Variants in PTCHD4 observed in about 807,000 individuals in gnomAD.
PTCHD4 encodes patched domain containing 4, also known as patched domain-containing protein 4.
PTCHD4 carries 33 observed loss-of-function variants against 58.1 expected under a neutral mutation model. The ratio of observed to expected loss-of-function variants is 0.57; its 90% CI spans 0.43 to 0.76. PTCHD4 has a LOEUF of 0.76. Ranked by LOEUF, PTCHD4 falls within the 30% of genes least tolerant of loss-of-function variation. The pLI is 0.00. For missense variants in PTCHD4, 1,058 were observed against 1,027.1 expected, an observed-to-expected ratio of 1.03 and a Z score of -0.41; for synonymous variants, 478 against 409.6, an observed-to-expected ratio of 1.17 and a Z score of -2.02.
At chr6:47,907,139 G>T (rs1764914361) in intron 4 of PTCHD4, among the ~76,000 whole-genome samples, 1 of 152,110 alleles carries the variant, frequency 6.6e-6, no homozygotes, top group Non-Finnish European at 1.5e-5. Flanking sequence ...AAGTGGAATT[G>T]GTGGGAAGGG....
intron 1 of PTCHD4, among the ~76,000 whole-genome samples, chr6:48,098,407 C>G (rs985913118): frequency 2.0e-5 from 3 of 149,326 alleles, no homozygotes; most frequent in South Asian, 2.1e-4. Context: ...GGCAGGATCT[C>G]CGCTCGCTGC....
At chr6:48,070,765 T>G (rs1386469764) in intron 1 of PTCHD4, among the ~76,000 whole-genome samples, 1 of 152,222 alleles carries the variant, frequency 6.6e-6, no homozygotes, top group Non-Finnish European at 1.5e-5. Flanking sequence ...TTCAGTGGAG[T>G]CACTTTTGCA....
rs756510352 is a variant in PTCHD4, at chr6:48,068,336, G to T, written c.311C>A (p.Thr104Asn). The T allele has an allele frequency of 2.5e-6, 4 of 1,613,998 alleles. No homozygotes were observed. The highest frequency in any genetic ancestry group is 1.7e-5 in the Admixed American group (1 of 60,024). Residue 104 changes from threonine to asparagine, a missense_variant, in exon 3 of 5, where the codon ACC (threonine) becomes AAC (asparagine). By Grantham distance (65) the Thr-to-Asn change is moderately conservative (BLOSUM62 0). Transcript: ENST00000339488. The surrounding 1 kb of genome is among the most constrained non-coding windows in gnomAD (Gnocchi z 4.2). ...SKSQLYSDLH[T>N]PGRYGRVILL... ...GATCACCCTGCCATACCTCCCAGGG[G>T]TGTGTAAGTCCGAATAGAGCTGGCT... is the stretch of plus-strand genomic sequence containing the variant.
chr6:47,954,217 C>T (rs141358462), intron 4 of PTCHD4, among the ~76,000 whole-genome samples: 73 of 152,140 alleles, frequency 4.8e-4, no homozygotes, highest in Middle Eastern at 3.4e-3. Flanking sequence ...ATCAGCTGGG[C>T]GTGGTAGCAC....
intron 3 of PTCHD4, among the ~76,000 whole-genome samples, chr6:48,056,825 G>C (rs1764420949): frequency 6.6e-6 from 1 of 152,178 alleles, no homozygotes; most frequent in Non-Finnish European, 1.5e-5. Context: ...AGAACTGCAA[G>C]CACTGGTGAC....
chr6:48,011,421 G>GTT lies in PTCHD4; in HGVS notation c.418-2309_418-2308dup, dbSNP rs199609513. ...TCATATCCTTTGCCCACCTTTTGAT[G>GTT]TTTTTTTTTCTTGTAAATTTGGTTA... On this transcript the variant is annotated intron_variant, in intron 3 of 4. Transcript: ENST00000339488. Among the ~76,000 whole-genome samples the GTT allele has an allele frequency of 3.3e-3, 498 of 149,570 alleles. 5 individuals carry two copies. The highest frequency in any genetic ancestry group is 0.011 in the African/African-American group (466 of 40,888).
chr6:47,907,465 A>G (rs1401083138), intron 4 of PTCHD4, among the ~76,000 whole-genome samples: 2 of 152,168 alleles, frequency 1.3e-5, no homozygotes, highest in Non-Finnish European at 2.9e-5. Context: ...TGAAAGGAGG[A>G]ATGAAGAGAA....
intron 3 of PTCHD4, among the ~76,000 whole-genome samples, chr6:48,010,808 T>C (rs1762638356): frequency 6.6e-6 from 1 of 152,158 alleles, no homozygotes; most frequent in African/African-American, 2.4e-5. Flanking sequence ...CCATGTGTTC[T>C]TGTTGTTCAA....
intron 3 of PTCHD4, among the ~76,000 whole-genome samples, chr6:48,057,919 T>C (rs1472973551): frequency 6.6e-6 from 1 of 152,184 alleles, no homozygotes; most frequent in Non-Finnish European, 1.5e-5. Context: ...TTAAGCCTGA[T>C]AAATTATAGT....
intron 4 of PTCHD4, among the ~76,000 whole-genome samples, chr6:48,004,839 C>T (rs1762371682): frequency 6.6e-6 from 1 of 152,112 alleles, no homozygotes; most frequent in South Asian, 2.1e-4. Context: ...ATCACTTGAA[C>T]CCGGAAGGTG....
At chr6:48,099,116 C>A (rs1168435659) in intron 1 of PTCHD4, among the ~76,000 whole-genome samples, 2 of 152,184 alleles carry the variant, frequency 1.3e-5, no homozygotes, top group Admixed American at 6.5e-5. Context: ...TCCTTCCTGG[C>A]AGTAATGAGG....
chr6:47,901,925 A>T (rs1222714032), intron 4 of PTCHD4: 10 of 1,302,812 alleles, frequency 7.7e-6, no homozygotes, highest in Non-Finnish European at 1.0e-5. Flanking sequence ...AGGTAAATTC[A>T]GTGGAGATGC....
intron 3 of PTCHD4, among the ~76,000 whole-genome samples, chr6:48,044,362 AT>A: frequency 6.6e-6 from 1 of 151,820 alleles, no homozygotes. Flanking sequence ...ACATTTGTCT[AT>A]TTTTTTCTTT....
chr6:47,954,062 G>A (rs1367972180), intron 4 of PTCHD4, among the ~76,000 whole-genome samples: 1 of 152,042 alleles, frequency 6.6e-6, no homozygotes, highest in Non-Finnish European at 1.5e-5. Flanking sequence ...AATTGCTTAA[G>A]AAGGACATAA....
intron 4 of PTCHD4, chr6:47,901,836 G>T: frequency 7.7e-7 from 1 of 1,295,620 alleles, no homozygotes; most frequent in Non-Finnish European, 1.0e-6. Context: ...TTCCAAATGT[G>T]ATATTTTTCT....
chr6:47,929,951 A>G (rs953890005), intron 4 of PTCHD4, among the ~76,000 whole-genome samples: 2 of 151,844 alleles, frequency 1.3e-5, no homozygotes, highest in African/African-American at 4.8e-5. Flanking sequence ...CAGCTTTTCT[A>G]CAGCTTCTCA....
Position 47,925,173 on chromosome 6 carries a change from TTA to T in PTCHD4, c.899-45239_899-45238del, listed in dbSNP as rs534078573. Among the ~76,000 whole-genome samples, 748 of 146,858 alleles carry T rather than the reference TTA, an allele frequency of 5.1e-3. 7 individuals are homozygous for T. Among genetic ancestry groups the T allele is most frequent in the African/African-American group, 0.018 (698 of 38,806 alleles). On this transcript the variant is annotated intron_variant, in intron 4 of 4. Coordinates refer to ENST00000339488, the MANE Select transcript of PTCHD4 (RefSeq NM_001384253.1). ...ATGTATATGTGTTTATATGTGTATA[TTA>T]TATATATGTGTGTGTGTGTGTGTGT...
chr6:47,943,659 A>G (rs1302515827), intron 4 of PTCHD4, among the ~76,000 whole-genome samples: 1 of 152,088 alleles, frequency 6.6e-6, no homozygotes. Flanking sequence ...AACATAGCCA[A>G]ACTCATTTAT....
At chr6:47,902,475 G>C (rs1764741985) in intron 4 of PTCHD4, among the ~76,000 whole-genome samples, 2 of 152,156 alleles carry the variant, frequency 1.3e-5, no homozygotes, top group African/African-American at 2.4e-5. Context: ...TAAAAGCTCA[G>C]GGAAATGCAT....
Sources: allele counts gnomAD v4.1 joint callset (sites outside exome capture counted in the v4.1 genomes callset), GRCh38; gene constraint gnomAD v4.1.1; non-coding constraint Gnocchi (gnomAD v3.1); transcripts MANE v1.5; gene names NCBI Gene and HGNC (gene_info 2026-07-23, HGNC 2026-07-21).